GRM8: variants seen among roughly 807,000 people sequenced by gnomAD.
GRM8 encodes the protein metabotropic glutamate receptor 8.
In GRM8, 47 loss-of-function variants were observed where a neutral mutation model predicts 87.2. The observed-to-expected ratio is 0.54, with a 90% confidence interval of 0.43 to 0.69. The LOEUF is 0.69. Ranked by LOEUF, GRM8 falls within the 30% of genes least tolerant of loss-of-function variation. The pLI is 0.00. For missense variants in GRM8, 1,019 were observed against 1,139.2 expected (o/e 0.89, Z 1.52); for synonymous variants, 396 against 404.5 (o/e 0.98, Z 0.25).
intron 3 of GRM8, among the ~76,000 whole-genome samples, chr7:126,928,737 T>G (rs568530967): frequency 6.6e-6 from 1 of 151,082 alleles, no homozygotes; most frequent in Non-Finnish European, 1.5e-5. Flanking sequence ...ATACATAAAA[T>G]AGTTCATCTT....
intron 2 of GRM8, among the ~76,000 whole-genome samples, chr7:127,119,461 G>A (rs1342765088): frequency 1.3e-5 from 2 of 151,784 alleles, no homozygotes; most frequent in African/African-American, 4.8e-5. Context: ...ACTCCAGCCT[G>A]GGTGACAGAG....
intron 2 of GRM8, among the ~76,000 whole-genome samples, chr7:127,218,277 A>G (rs761946706): frequency 3.3e-5 from 5 of 152,204 alleles, no homozygotes; most frequent in African/African-American, 7.2e-5. Flanking sequence ...TCACTTGCCC[A>G]GGTTCACATA....
chr7:126,738,511 C>A (rs1814504111), intron 7 of GRM8, among the ~76,000 whole-genome samples: 2 of 151,524 alleles, frequency 1.3e-5, no homozygotes, highest in South Asian at 2.1e-4. Flanking sequence ...AGATGAGAAA[C>A]TCAAGAGAAG....
chr7:126,578,254 A>C (rs1372064430), intron 8 of GRM8, among the ~76,000 whole-genome samples: 1 of 152,184 alleles, frequency 6.6e-6, no homozygotes, highest in Admixed American at 6.5e-5. Context: ...TAAAGTAATA[A>C]AAATAGTAAG....
intron 3 of GRM8, chr7:127,080,582 T>G (rs1037490770): frequency 6.6e-6 from 1 of 152,100 alleles, no homozygotes; most frequent in Non-Finnish European, 1.5e-5. Context: ...AAAGTAGGCA[T>G]GTGACTGAAT....
intron 2 of GRM8, among the ~76,000 whole-genome samples, chr7:127,210,812 A>C (rs944496881): frequency 6.7e-6 from 1 of 150,348 alleles, no homozygotes; most frequent in Non-Finnish European, 1.5e-5. Flanking sequence ...TCTGACCGAC[A>C]TGCTTTCCCA....
chr7:126,927,601 C>T (rs1319084949), intron 3 of GRM8, among the ~76,000 whole-genome samples: 1 of 152,050 alleles, frequency 6.6e-6, no homozygotes, highest in Non-Finnish European at 1.5e-5. Flanking sequence ...ATGCAGCCAA[C>T]AAGCATATGA....
chr7:126,586,229 T>C (rs1796110899), intron 8 of GRM8, among the ~76,000 whole-genome samples: 1 of 151,880 alleles, frequency 6.6e-6, no homozygotes. Flanking sequence ...ATAGGAAAAA[T>C]CAATATCATG....
chr7:127,076,495 CAGG>C (rs1199932517), intron 3 of GRM8, among the ~76,000 whole-genome samples: 7 of 152,204 alleles, frequency 4.6e-5, no homozygotes, highest in Non-Finnish European at 8.8e-5. Flanking sequence ...GGAAGCTGCT[CAGG>C]AGGATTAGCG....
intron 2 of GRM8, among the ~76,000 whole-genome samples, chr7:127,114,854 C>T (rs1349052440): frequency 6.6e-6 from 1 of 151,992 alleles, no homozygotes; most frequent in Non-Finnish European, 1.5e-5. Flanking sequence ...TTGTATGAGT[C>T]ATAGAGGGAA....
intron 9 of GRM8, among the ~76,000 whole-genome samples, chr7:126,472,648 G>A (rs2108849): frequency 0.61 from 92,472 of 152,064 alleles, 28,626 homozygotes; most frequent in Middle Eastern, 0.75. Context: ...AGAAGTTTGC[G>A]TGAGTAATGA....
intron 7 of GRM8, among the ~76,000 whole-genome samples, chr7:126,647,234 T>G (rs138953926): frequency 9.9e-5 from 15 of 152,086 alleles, no homozygotes; most frequent in Middle Eastern, 3.4e-3. Flanking sequence ...AATCAACAAA[T>G]GTATAAGCAC....
chr7:126,507,453 G>A (rs1289830298), intron 9 of GRM8, among the ~76,000 whole-genome samples: 1 of 151,968 alleles, frequency 6.6e-6, no homozygotes, highest in Non-Finnish European at 1.5e-5. Context: ...AACAAATATT[G>A]GCTACAAATA....
chr7:127,161,098 A>C (rs1258118511), intron 2 of GRM8, among the ~76,000 whole-genome samples: 1 of 152,110 alleles, frequency 6.6e-6, no homozygotes, highest in Non-Finnish European at 1.5e-5. Context: ...ATACACTTAA[A>C]ATTTTTACTT....
At chr7:126,837,237 CA>C (rs1475584273) in intron 6 of GRM8, among the ~76,000 whole-genome samples, 2 of 152,130 alleles carry the variant, frequency 1.3e-5, no homozygotes, top group Admixed American at 6.5e-5. Context: ...TTGTAATTTA[CA>C]ACTGAAGTTG....
intron 7 of GRM8, among the ~76,000 whole-genome samples, chr7:126,629,076 G>A (rs1017477251): frequency 6.6e-6 from 1 of 152,122 alleles, no homozygotes; most frequent in African/African-American, 2.4e-5. Flanking sequence ...TTTAACTTTC[G>A]TGTAACTCTG....
intron 7 of GRM8, among the ~76,000 whole-genome samples, chr7:126,682,029 CTCAT>C (rs1156254574): frequency 6.6e-6 from 1 of 152,100 alleles, no homozygotes; most frequent in African/African-American, 2.4e-5. Context: ...TATAAAAAGT[CTCAT>C]TCAAAGCCAG....
At chr7:126,843,254 A>G (rs1023460307) in intron 6 of GRM8, among the ~76,000 whole-genome samples, 9 of 152,168 alleles carry the variant, frequency 5.9e-5, no homozygotes, top group South Asian at 4.1e-4. Context: ...TGCCTAGTAC[A>G]TGGTAGAAGC....
chr7:127,070,998 G>A (rs1399756623), intron 3 of GRM8, among the ~76,000 whole-genome samples: 1 of 152,116 alleles, frequency 6.6e-6, no homozygotes, highest in African/African-American at 2.4e-5. Context: ...AACAGAATAG[G>A]TACCTTCGTT....
Sources: gnomAD v4.1 joint callset for allele counts (sites outside exome capture counted in the v4.1 genomes callset) on GRCh38, gnomAD v4.1.1 for gene constraint, MANE v1.5 for transcripts, NCBI Gene and HGNC (gene_info 2026-07-23, HGNC 2026-07-21) for gene names.